TAF3: variants seen among roughly 807,000 people sequenced by gnomAD.
TAF3 encodes the protein transcription initiation factor TFIID subunit 3.
TAF3 carries 7 observed loss-of-function variants against 80.6 expected under a neutral mutation model. The observed-to-expected ratio is 0.09, with a 90% CI of 0.05 to 0.16. TAF3 has a LOEUF of 0.16. Among genes scored for constraint, TAF3 ranks in the 10% least tolerant of loss-of-function variants. The pLI, the probability that TAF3 is intolerant of heterozygous loss-of-function variation, is 1.00. For missense variants in TAF3, 921 were observed against 1,140.2 expected, an observed-to-expected ratio of 0.81 and a Z score of 2.77; for synonymous variants, 444 against 446.1, an observed-to-expected ratio of 1.00 and a Z score of 0.06.
intron 2 of TAF3, among the ~76,000 whole-genome samples, chr10:7,852,802 A>G (rs1310789402): frequency 6.6e-6 from 1 of 152,172 alleles, no homozygotes; most frequent in Non-Finnish European, 1.5e-5. Context: ...GAAACTTCCT[A>G]TCATCTACTA....
chr10:7,876,388 A>G (rs568705114), intron 2 of TAF3, among the ~76,000 whole-genome samples: 2 of 152,328 alleles, frequency 1.3e-5, no homozygotes, highest in African/African-American at 2.4e-5. Context: ...GAACCCTTGT[A>G]AAGAGGTATT....
chr10:7,886,074 G>A (rs1837406379), intron 2 of TAF3, among the ~76,000 whole-genome samples: 1 of 152,022 alleles, frequency 6.6e-6, no homozygotes, highest in South Asian at 2.1e-4. Flanking sequence ...GACTACAGGG[G>A]TCCACCACCA....
In TAF3 at chr10:8,013,668, G is replaced by A. The variant is rs950781574; in HGVS notation, c.2569-63G>A. Reference sequence around the variant, plus strand: ...CAGTATAAAGTAATCATTCTGATCTGGCCTCTTTTTGTTTTTTTTCCCATT... The same window carrying A: ...CAGTATAAAGTAATCATTCTGATCTAGCCTCTTTTTGTTTTTTTTCCCATT... On this transcript the variant is annotated intron_variant, in intron 5 of 6. Transcript: ENST00000344293. 5 of 1,302,044 alleles carry A rather than the reference G, an allele frequency of 3.8e-6. No homozygotes were observed. In the African/African-American group the frequency reaches 7.3e-5, roughly 19 times the overall value. The allele number at this position is 1,302,044 out of a possible 1,614,324, so 80.7% of individuals were successfully genotyped here.
chr10:7,820,860 A>T (rs1466008547), intron 1 of TAF3, among the ~76,000 whole-genome samples: 2 of 152,146 alleles, frequency 1.3e-5, no homozygotes, highest in African/African-American at 4.8e-5. Flanking sequence ...AAAGTACATC[A>T]CCAGCTGACT....
chr10:7,905,699 G>A (rs1271178958), intron 2 of TAF3, among the ~76,000 whole-genome samples: 1 of 152,098 alleles, frequency 6.6e-6, no homozygotes, highest in Non-Finnish European at 1.5e-5. Context: ...GGCCAACATA[G>A]TGAAACCCCG....
chr10:7,935,731 A>T (rs1837913003), intron 2 of TAF3, among the ~76,000 whole-genome samples: 2 of 152,216 alleles, frequency 1.3e-5, no homozygotes, highest in African/African-American at 2.4e-5. Flanking sequence ...GAGGCCCTAC[A>T]GGTCCACTGG....
chr10:7,847,670 C>T (rs1389243545), intron 2 of TAF3, among the ~76,000 whole-genome samples: 1 of 152,188 alleles, frequency 6.6e-6, no homozygotes, highest in Non-Finnish European at 1.5e-5. Flanking sequence ...GTCTCAAACT[C>T]CTGGGTTCAA....
chr10:7,832,196 C>T (rs919025530), intron 2 of TAF3, among the ~76,000 whole-genome samples: 2 of 152,092 alleles, frequency 1.3e-5, no homozygotes, highest in Admixed American at 1.3e-4. Context: ...ATCCCCACAT[C>T]CCCACATCCC....
At chr10:7,923,426 A>T (rs1837785246) in intron 2 of TAF3, among the ~76,000 whole-genome samples, 1 of 151,982 alleles carries the variant, frequency 6.6e-6, no homozygotes, top group African/African-American at 2.4e-5. Flanking sequence ...GTGGAACTTT[A>T]ATATCTGTAT....
intron 2 of TAF3, among the ~76,000 whole-genome samples, chr10:7,946,919 A>T (rs942709736): frequency 2.6e-5 from 4 of 152,164 alleles, no homozygotes; most frequent in African/African-American, 4.8e-5. Context: ...TTCTTTTTTT[A>T]AAAAAATAAT....
At chr10:7,983,935 A>G (rs1278779128) in intron 4 of TAF3, among the ~76,000 whole-genome samples, 1 of 152,256 alleles carries the variant, frequency 6.6e-6, no homozygotes, top group African/African-American at 2.4e-5. Context: ...GAAGTTCACA[A>G]GTGACATTTA....
chr10:7,830,553 G>A (rs1426937941), intron 2 of TAF3, among the ~76,000 whole-genome samples: 2 of 122,482 alleles, frequency 1.6e-5, no homozygotes, highest in Non-Finnish European at 3.2e-5. Context: ...GCGCAATCTC[G>A]GCTCACTGCA....
chr10:7,834,065 CTTG>C (rs1348796794), intron 2 of TAF3: 22 of 172,500 alleles, frequency 1.3e-4, no homozygotes, highest in Non-Finnish European at 1.8e-4. Context: ...GGTTGTGGCT[CTTG>C]TTGTTGTTGA....
In TAF3 at chr10:7,863,626, A is replaced by AAAAAAAAT. The variant is rs1218836662; in HGVS notation, c.409+39067_409+39068insAAAAAATA. On this transcript the variant is annotated intron_variant, in intron 2 of 6. Coordinates refer to ENST00000344293, the MANE Select transcript of TAF3 (RefSeq NM_031923.4). ...CTCTGTCTAAAAAAAAAAAAAAAAA[A>AAAAAAAAT]ATATATATATATATATATATACACA... is the stretch of plus-strand genomic sequence containing the variant. Among the ~76,000 whole-genome samples the AAAAAAAAT allele has an allele frequency of 1.9e-3, 89 of 48,068 alleles. 6 individuals carry two copies. Among genetic ancestry groups the AAAAAAAAT allele is most frequent in the East Asian group, 3.1e-3 (3 of 970 alleles). The allele number at this position is 48,068 out of a possible 152,430, so 31.5% of individuals were successfully genotyped here. A position where few individuals can be genotyped will look rare whatever the true frequency, so the allele number is the denominator to read the frequency against.
At chr10:7,864,045 C>T (rs984410672) in intron 2 of TAF3, among the ~76,000 whole-genome samples, 1 of 152,094 alleles carries the variant, frequency 6.6e-6, no homozygotes, top group Non-Finnish European at 1.5e-5. Context: ...TATCCTAAGC[C>T]AGTGTGGTAG....
chr10:7,900,265 G>A (rs1172027516), intron 2 of TAF3, among the ~76,000 whole-genome samples: 2 of 152,124 alleles, frequency 1.3e-5, no homozygotes, highest in Non-Finnish European at 2.9e-5. Context: ...AAAAAGTCAA[G>A]AAATGAAGAA....
At chr10:7,845,127 A>G (rs1836956749) in intron 2 of TAF3, among the ~76,000 whole-genome samples, 3 of 152,168 alleles carry the variant, frequency 2.0e-5, no homozygotes, top group Admixed American at 1.3e-4. Context: ...GTGTCCCAGC[A>G]GTCTCCCTGG....
intron 4 of TAF3, among the ~76,000 whole-genome samples, chr10:7,995,924 G>A (rs962926187): frequency 1.3e-5 from 2 of 152,134 alleles, no homozygotes; most frequent in Non-Finnish European, 2.9e-5. Context: ...TTGTCTTTGG[G>A]TATTTGGTGT....
chr10:7,930,643 A>G (rs1210270757), intron 2 of TAF3, among the ~76,000 whole-genome samples: 2 of 152,346 alleles, frequency 1.3e-5, no homozygotes, highest in South Asian at 2.1e-4. Context: ...ACCTGAGTAC[A>G]GTCATCAATA....
Sources: allele counts gnomAD v4.1 joint callset (sites outside exome capture counted in the v4.1 genomes callset), GRCh38; gene constraint gnomAD v4.1.1; transcripts MANE v1.5; gene names NCBI Gene and HGNC (gene_info 2026-07-23, HGNC 2026-07-21).